MYO3B: variants seen among roughly 807,000 people sequenced by gnomAD.
MYO3B encodes myosin-IIIb.
Under a neutral mutation model 174.6 loss-of-function variants are expected in MYO3B, and 156 were observed. That is an observed-to-expected ratio of 0.89 (90% CI 0.78 to 1.02). MYO3B has a LOEUF of 1.02. Ranked by LOEUF, MYO3B falls within the 50% of genes least tolerant of loss-of-function variation. The probability of loss-of-function intolerance (pLI) is 0.00; values close to 1 mark genes in which losing one functional copy is unlikely to be tolerated. For missense variants in MYO3B, 1,632 were observed against 1,639.4 expected (o/e 1.00, Z 0.08); for synonymous variants, 563 against 569.1 (o/e 0.99, Z 0.15).
intron 32 of MYO3B, among the ~76,000 whole-genome samples, chr2:170,612,384 A>G (rs1287644699): frequency 6.6e-6 from 1 of 152,214 alleles, no homozygotes; most frequent in East Asian, 1.9e-4. Context: ...GCCCTGACCT[A>G]TGATTCCTTT....
intron 22 of MYO3B, among the ~76,000 whole-genome samples, chr2:170,426,245 G>A (rs1405960909): frequency 2.0e-5 from 3 of 151,834 alleles, no homozygotes; most frequent in Admixed American, 6.5e-5. Context: ...AGGCTGAGGC[G>A]AGAGGATTGC....
chr2:170,483,815 C>T (rs1418937642), intron 25 of MYO3B, among the ~76,000 whole-genome samples: 1 of 152,188 alleles, frequency 6.6e-6, no homozygotes, highest in Non-Finnish European at 1.5e-5. Context: ...ATGAGCACAG[C>T]TTCACTCTTC....
intron 22 of MYO3B, among the ~76,000 whole-genome samples, chr2:170,422,280 G>A (rs2094621846): frequency 6.6e-6 from 1 of 152,120 alleles, no homozygotes; most frequent in Admixed American, 6.6e-5. Context: ...ATAGCTCACT[G>A]CAGCCTGGAA....
In MYO3B at chr2:170,581,919, G is replaced by C. The variant is rs116394624; in HGVS notation, c.3733+37931G>C. Among the ~76,000 whole-genome samples, 967 of 152,252 alleles carry C rather than the reference G, an allele frequency of 6.4e-3. 3 individuals are homozygous for C. The highest frequency in any genetic ancestry group is 0.022 in the African/African-American group (929 of 41,542). ...TATAAAAAATGTGCAATGGAAAGGAGACAAAAGATGTGTGTCATTATTAAC... is the reference window on the plus strand; with the variant it reads ...TATAAAAAATGTGCAATGGAAAGGACACAAAAGATGTGTGTCATTATTAAC... On this transcript the variant is annotated intron_variant, in intron 32 of 34. Coordinates refer to ENST00000408978, the MANE Select transcript of MYO3B (RefSeq NM_138995.5).
intron 32 of MYO3B, among the ~76,000 whole-genome samples, chr2:170,597,356 A>G (rs1310339347): frequency 2.0e-5 from 3 of 146,886 alleles, no homozygotes; most frequent in African/African-American, 7.6e-5. Context: ...CAACAAAGGG[A>G]GACTCCATCT....
At chr2:170,641,404 A>T (rs1247019185) in intron 32 of MYO3B, 1 of 152,206 alleles carries the variant, frequency 6.6e-6, no homozygotes, top group African/African-American at 2.4e-5. Context: ...AAAAAAACAA[A>T]TCATAAGTTT....
At chr2:170,193,067 T>C (rs1458595993) in intron 1 of MYO3B, among the ~76,000 whole-genome samples, 1 of 151,976 alleles carries the variant, frequency 6.6e-6, no homozygotes, top group Non-Finnish European at 1.5e-5. Flanking sequence ...ATATATTTCT[T>C]ATTGTCACCT....
intron 22 of MYO3B, among the ~76,000 whole-genome samples, chr2:170,437,934 G>T (rs1184034853): frequency 6.6e-6 from 1 of 151,036 alleles, no homozygotes; most frequent in Non-Finnish European, 1.5e-5. Context: ...TTTTCTTGTT[G>T]TTGCAGTAAA....
At position 170,539,704 on chromosome 2, in the gene MYO3B, C is replaced by T. The variant is rs542956476; in HGVS notation, c.3576-3202C>T. Among the ~76,000 whole-genome samples, 3 of 152,022 alleles carry T rather than the reference C, an allele frequency of 2.0e-5. No individual in the cohort carries two copies. In the East Asian group the frequency reaches 5.8e-4, roughly 29 times the overall value. ...GTGCGATCTTGGCTCAGTGTAGCCT[C>T]GACCTCCAGGGCTCAGGTAATGCTC... On this transcript the variant is annotated intron_variant, in intron 30 of 34. Coordinates refer to ENST00000408978, the MANE Select transcript of MYO3B (RefSeq NM_138995.5).
chr2:170,466,081 G>T (rs181132222), intron 24 of MYO3B, among the ~76,000 whole-genome samples: 1 of 151,998 alleles, frequency 6.6e-6, no homozygotes, highest in Non-Finnish European at 1.5e-5. Context: ...ATTACCAATC[G>T]TATCTGTAGG....
At chr2:170,436,087 A>T (rs2094751334) in intron 22 of MYO3B, among the ~76,000 whole-genome samples, 2 of 152,202 alleles carry the variant, frequency 1.3e-5, no homozygotes, top group East Asian at 3.8e-4. Context: ...GTAATCTCCA[A>T]TTCAGATTCT....
chr2:170,463,275 AT>A, intron 23 of MYO3B, 92 bp from the exon 24 acceptor site: 1 of 888,612 alleles, frequency 1.1e-6, no homozygotes, highest in Non-Finnish European at 1.8e-6. Flanking sequence ...CCCCTCAGGT[AT>A]TTGGCCAAAC....
Position 170,618,519 on chromosome 2 carries a change from G to A in MYO3B, c.3734-33109G>A, listed in dbSNP as rs6712263. 7.1e-3 allele frequency among the ~76,000 whole-genome samples: 1,075 copies of A among 152,172 alleles called. 15 individuals carry two copies. Among genetic ancestry groups the A allele is most frequent in the African/African-American group, 0.022 (930 of 41,494 alleles). On this transcript the variant is annotated intron_variant, in intron 32 of 34. Transcript: ENST00000408978. ...CTTTTTCAGCAAATTTCTCTGTCTC[G>A]TTGTTGCATGCATCTTCAGGATCTG...
chr2:170,564,034 A>C (rs1057030608), intron 32 of MYO3B, among the ~76,000 whole-genome samples: 2 of 152,256 alleles, frequency 1.3e-5, no homozygotes, highest in African/African-American at 4.8e-5. Context: ...TCTGAGGCAC[A>C]TGTGCCCAGG....
At chr2:170,619,348 T>G (rs969362092) in intron 32 of MYO3B, among the ~76,000 whole-genome samples, 3 of 152,224 alleles carry the variant, frequency 2.0e-5, no homozygotes, top group African/African-American at 7.2e-5. Flanking sequence ...CAGTCCAACC[T>G]GGCATTGTCT....
intron 9 of MYO3B, 106 bp downstream of exon 9, chr2:170,369,483 AT>A: frequency 7.8e-7 from 1 of 1,276,042 alleles, no homozygotes; most frequent in East Asian, 2.4e-5. Context: ...ACATTCCTGC[AT>A]TTTTAAGAGT....
intron 8 of MYO3B, among the ~76,000 whole-genome samples, chr2:170,343,197 T>C (rs374511587): frequency 7.7e-4 from 117 of 152,178 alleles, no homozygotes; most frequent in African/African-American, 2.7e-3. Context: ...CCTAGCACTT[T>C]GAGGGGCTGA....
intron 32 of MYO3B, chr2:170,602,146 T>C: frequency 8.1e-7 from 1 of 1,239,862 alleles, no homozygotes; most frequent in Middle Eastern, 2.1e-4. Flanking sequence ...GTGCTTCTTC[T>C]TACACTCCTC....
chr2:170,382,302 C>A (rs758975119), intron 10 of MYO3B, 190 bp downstream of exon 10: 8 of 446,334 alleles, frequency 1.8e-5, no homozygotes, highest in Non-Finnish European at 3.2e-5. Context: ...TTTAGATAGC[C>A]CCTAGAATGA....
Sources: allele counts gnomAD v4.1 joint callset (sites outside exome capture counted in the v4.1 genomes callset), GRCh38; gene constraint gnomAD v4.1.1; transcripts MANE v1.5; gene names NCBI Gene and HGNC (gene_info 2026-07-23, HGNC 2026-07-21).